Variants in RP1 observed in about 807,000 individuals in gnomAD.
RP1 encodes the protein RP1 axonemal microtubule associated, also known as oxygen-regulated protein 1.
In RP1, 16 loss-of-function variants were observed where a neutral mutation model predicts 14.8. The ratio of observed to expected loss-of-function variants is 1.08; its 90% CI spans 0.73 to 1.65. RP1 has a LOEUF of 1.65. Ranked by LOEUF, RP1 falls within the 40% of genes most tolerant of loss-of-function variation. RP1 has a pLI of 0.00. For missense variants in RP1, 2,631 were observed against 2,535.0 expected (o/e 1.04, Z -0.81); for synonymous variants, 876 against 883.6 (o/e 0.99, Z 0.15).
In RP1 at chr8:54,627,034, T is replaced by C. The variant is rs773126048; in HGVS notation, c.3152T>C (p.Leu1051Pro). ...AAEKSGPEKK[L>P]VYQEINLARK... The stretch of plus-strand genomic sequence containing the variant: ...GAAAAATCAGGACCAGAGAAAAAAC[T>C]TGTTTACCAGGAAATAAACCTAGCT... The change falls in exon 4 of 4, where the codon CTT becomes CCT. Residue 1051 changes from leucine to proline, a missense_variant. Leu to Pro is a moderately conservative substitution (Grantham distance 98). Coordinates refer to ENST00000220676, the MANE Select transcript of RP1 (RefSeq NM_006269.2). 6.2e-7 allele frequency: 1 copy of C among 1,613,990 alleles called. No individual in the cohort carries two copies. The highest frequency in any genetic ancestry group is 8.5e-7 in the Non-Finnish European group (1 of 1,179,964).
intron 6 of RP1, among the ~76,000 whole-genome samples, chr8:54,658,530 G>T (rs1170367325): frequency 8.5e-6 from 1 of 117,708 alleles, no homozygotes; most frequent in Non-Finnish European, 1.6e-5. Flanking sequence ...CAGCCTGGGC[G>T]ACAGAGCGAG....
chr8:54,848,293 C>A (rs1307752685), intron 25 of RP1, among the ~76,000 whole-genome samples: 1 of 152,204 alleles, frequency 6.6e-6, no homozygotes, highest in Non-Finnish European at 1.5e-5. Context: ...GGCTTGTGGG[C>A]TCCTTGGCTT....
intron 1 of RP1, among the ~76,000 whole-genome samples, chr8:54,573,924 G>A (rs1400219332): frequency 2.0e-5 from 3 of 152,184 alleles, no homozygotes; most frequent in Non-Finnish European, 4.4e-5. Flanking sequence ...GAGGGGAGCA[G>A]GGCCATTTGA....
At chr8:54,569,228 C>T (rs1484407855) in intron 1 of RP1, among the ~76,000 whole-genome samples, 1 of 152,194 alleles carries the variant, frequency 6.6e-6, no homozygotes, top group Non-Finnish European at 1.5e-5. Flanking sequence ...CACACAAAGA[C>T]CAGGCCACCT....
At chr8:54,587,342 C>T (rs1804954568) in intron 1 of RP1, among the ~76,000 whole-genome samples, 1 of 150,706 alleles carries the variant, frequency 6.6e-6, no homozygotes, top group African/African-American at 2.4e-5. Flanking sequence ...AGGAGAATTG[C>T]TTGAACTCGG....
At chr8:54,604,611 T>C (rs1008077220) in intron 1 of RP1, among the ~76,000 whole-genome samples, 11 of 152,236 alleles carry the variant, frequency 7.2e-5, no homozygotes, top group Non-Finnish European at 1.3e-4. Context: ...TCAGAAGGAA[T>C]GATACCAGAT....
upstream of RP1, among the ~76,000 whole-genome samples, chr8:54,615,390 C>T (rs192494179): frequency 1.3e-5 from 2 of 152,214 alleles, no homozygotes; most frequent in South Asian, 2.1e-4. Context: ...CAGGAAGCCC[C>T]GTAGGAAACC....
intron 27 of RP1, among the ~76,000 whole-genome samples, chr8:54,862,864 C>G (rs937059225): frequency 2.6e-5 from 4 of 151,892 alleles, no homozygotes; most frequent in Non-Finnish European, 4.4e-5. Flanking sequence ...TGCAGAAATG[C>G]CAAGAAAGGG....
intron 1 of RP1, among the ~76,000 whole-genome samples, chr8:54,618,340 C>T (rs1168089031): frequency 6.6e-6 from 1 of 152,088 alleles, no homozygotes; most frequent in Non-Finnish European, 1.5e-5. Flanking sequence ...TCCCTCCTGG[C>T]CCCAGCACAA....
intron 18 of RP1, chr8:54,738,864 A>T: frequency 1.2e-6 from 1 of 810,020 alleles, no homozygotes; most frequent in Non-Finnish European, 1.8e-6. Context: ...AAATGCAGTT[A>T]GTGTAAAAAG....
rs548620620 is a variant in RP1 at position 54,789,392 on chromosome 8, G to A, written c.3615+5682G>A. On this transcript the variant is annotated intron_variant, in intron 24 of 28. Transcript: ENST00000637698. Reference sequence around the variant, plus strand: ...ATGAGCCAAGCCAATGACCCTGCCTGACTCTGGAGCATATCTTGCAGCCCT... The same window carrying A: ...ATGAGCCAAGCCAATGACCCTGCCTAACTCTGGAGCATATCTTGCAGCCCT... Among the ~76,000 whole-genome samples, 52 of 152,184 alleles carry A rather than the reference G, an allele frequency of 3.4e-4. 1 individual carries two copies. The South Asian group carries it at 4.4e-3, about 13-fold the overall frequency.
intron 7 of RP1, among the ~76,000 whole-genome samples, chr8:54,671,359 A>G (rs185085318): frequency 3.4e-4 from 51 of 152,228 alleles, no homozygotes; most frequent in Admixed American, 3.2e-3. Flanking sequence ...TTGAATTTAC[A>G]TGTGCATTTC....
chr8:54,714,117 G>A (rs1380136018), intron 15 of RP1, among the ~76,000 whole-genome samples: 1 of 152,014 alleles, frequency 6.6e-6, no homozygotes, highest in African/African-American at 2.4e-5. Flanking sequence ...GTAGATACGG[G>A]GTTTCACCAT....
chr8:54,814,785 A>C (rs1811097761), intron 24 of RP1, among the ~76,000 whole-genome samples: 1 of 152,232 alleles, frequency 6.6e-6, no homozygotes, highest in African/African-American at 2.4e-5. Flanking sequence ...CCATGGGCTC[A>C]TTAAAAAGAG....
intron 1 of RP1, among the ~76,000 whole-genome samples, chr8:54,596,449 C>T: frequency 6.6e-6 from 1 of 152,164 alleles, no homozygotes; most frequent in East Asian, 1.9e-4. Flanking sequence ...TACATGAATA[C>T]CTTTCAAATC....
chr8:54,820,567 C>T (rs1044366684), intron 24 of RP1, among the ~76,000 whole-genome samples: 3 of 152,110 alleles, frequency 2.0e-5, no homozygotes, highest in Non-Finnish European at 4.4e-5. Flanking sequence ...GACAGGGCAG[C>T]ACTGAGTTCC....
At chr8:54,757,152 A>G (rs561721870) in intron 21 of RP1, among the ~76,000 whole-genome samples, 16 of 152,316 alleles carry the variant, frequency 1.1e-4, no homozygotes, top group African/African-American at 3.6e-4. Flanking sequence ...GTAGTCCAGA[A>G]ACTGTGGTAA....
At chr8:54,568,777 C>T (rs1045615407) in intron 1 of RP1, among the ~76,000 whole-genome samples, 13 of 152,198 alleles carry the variant, frequency 8.5e-5, no homozygotes, top group African/African-American at 3.1e-4. Flanking sequence ...TCTTATCTCT[C>T]CAGTTTCCTC....
At chr8:54,816,990 A>G (rs556578012) in intron 24 of RP1, among the ~76,000 whole-genome samples, 1 of 151,800 alleles carries the variant, frequency 6.6e-6, no homozygotes, top group South Asian at 2.1e-4. Context: ...TCTTTTTGTC[A>G]TTCAGATCTC....
Sources: allele counts gnomAD v4.1 joint callset (sites outside exome capture counted in the v4.1 genomes callset), GRCh38; gene constraint gnomAD v4.1.1; transcripts MANE v1.5; gene names NCBI Gene and HGNC (gene_info 2026-07-23, HGNC 2026-07-21).